ANO5: variants seen among roughly 807,000 people sequenced by gnomAD.
The protein encoded by ANO5 is anoctamin-5.
A neutral mutation model predicts 121.0 loss-of-function variants in ANO5; 109 were observed. The ratio of observed to expected loss-of-function variants is 0.90; its 90% CI spans 0.77 to 1.06. The LOEUF is 1.06. Ranked by LOEUF, ANO5 falls within the 50% of genes least tolerant of loss-of-function variation. ANO5 has a pLI of 0.00. For missense variants in ANO5, 1,064 were observed against 1,078.5 expected, an observed-to-expected ratio of 0.99 and a Z score of 0.19; for synonymous variants, 406 against 359.9, an observed-to-expected ratio of 1.13 and a Z score of -1.45.
intron 19 of ANO5, among the ~76,000 whole-genome samples, chr11:22,274,192 A>ACACACACCCC (rs57239068): frequency 6.8e-6 from 1 of 146,246 alleles, no homozygotes; most frequent in Admixed American, 6.8e-5. Flanking sequence ...ACACACACAC[A>ACACACACCCC]CCCGCAGTCC....
chr11:22,261,103 T>G (rs1854173202), intron 15 of ANO5: 1 of 152,232 alleles, frequency 6.6e-6, no homozygotes, highest in African/African-American at 2.4e-5. Context: ...TTCTAATGGC[T>G]TATAGCATGG....
At chr11:22,219,626 CCAA>C (rs1424914520) in intron 4 of ANO5, among the ~76,000 whole-genome samples, 2 of 151,978 alleles carry the variant, frequency 1.3e-5, no homozygotes, top group Admixed American at 1.3e-4. Flanking sequence ...CAGTTGCCTT[CCAA>C]GAATTTTGGT....
intron 8 of ANO5, among the ~76,000 whole-genome samples, chr11:22,237,986 A>C (rs1375070435): frequency 6.6e-6 from 1 of 152,160 alleles, no homozygotes; most frequent in Non-Finnish European, 1.5e-5. Flanking sequence ...TACCCAATAC[A>C]ATATAAATGT....
In ANO5 at chr11:22,193,321, G is replaced by GGAGGAGAAGGAGGAGGGGAAT. The variant is rs1240039299; in HGVS notation, c.-166_-165insAAGGAGGAGGGGAATGAGGAG. On this transcript the variant is annotated 5_prime_UTR_variant, in exon 1 of 22. In the 5' UTR this introduces an upstream ATG that the reference lacks. Transcript: ENST00000324559. Reference sequence around the variant, plus strand: ...GGCGCCCAGAGACGGTGGAGTCCGAGGAGGAGGAGAAGGAGGCCTGCAGAA... The same window carrying GGAGGAGAAGGAGGAGGGGAAT: ...GGCGCCCAGAGACGGTGGAGTCCGAGGAGGAGAAGGAGGAGGGGAATGAGGAGGAGAAGGAGGCCTGCAGAA... 5.6e-5 allele frequency: 18 copies of GGAGGAGAAGGAGGAGGGGAAT among 319,332 alleles called. No homozygotes were observed. Among genetic ancestry groups the GGAGGAGAAGGAGGAGGGGAAT allele is most frequent in the South Asian group, 1.8e-4 (4 of 21,976 alleles). 19.8% of individuals were successfully genotyped at this position (319,332 alleles called of 1,614,324 possible). A position where few individuals can be genotyped will look rare whatever the true frequency, so the allele number is the denominator to read the frequency against.
rs762526466 is a variant in ANO5 at position 22,239,535 on chromosome 11, G to A, written c.763-34G>A. 162 of 1,484,308 alleles carry A rather than the reference G, an allele frequency of 1.1e-4. No homozygotes were observed. In the Admixed American group the frequency reaches 1.1e-3, roughly 10 times the overall value. 91.9% of individuals were successfully genotyped at this position (1,484,308 alleles called of 1,614,324 possible). A position where few individuals can be genotyped will look rare whatever the true frequency, so the allele number is the denominator to read the frequency against. On this transcript the variant is annotated intron_variant, in intron 8 of 21. Coordinates refer to ENST00000324559, the MANE Select transcript of ANO5 (RefSeq NM_213599.3). ...TTACTTCGTCTTTGTCTTTTGCTTC[G>A]TCTTTTATGTACCCTCCTCTTGAAT...
At chr11:22,251,189 A>T (rs1189964682) in intron 12 of ANO5, among the ~76,000 whole-genome samples, 178 bp downstream of exon 12, 2 of 152,250 alleles carry the variant, frequency 1.3e-5, no homozygotes, top group Non-Finnish European at 2.9e-5. Flanking sequence ...TTCTTGGTCC[A>T]CAAAGGTCTC....
chr11:22,242,693 G>C (rs937102141), intron 9 of ANO5, among the ~76,000 whole-genome samples: 3 of 152,008 alleles, frequency 2.0e-5, no homozygotes, highest in Non-Finnish European at 4.4e-5. Flanking sequence ...CTCTCAGCTT[G>C]AACATTATTG....
intron 15 of ANO5, among the ~76,000 whole-genome samples, chr11:22,260,281 G>A (rs1345547812): frequency 6.6e-6 from 1 of 152,188 alleles, no homozygotes. Flanking sequence ...GGTTAAGTGA[G>A]AAATTGAGTT....
At chr11:22,226,636 G>A (rs530477802) in intron 6 of ANO5, among the ~76,000 whole-genome samples, 7 of 152,194 alleles carry the variant, frequency 4.6e-5, no homozygotes, top group African/African-American at 1.4e-4. Flanking sequence ...AAAGCAGGAG[G>A]ATTGCTGGAG....
intron 9 of ANO5, among the ~76,000 whole-genome samples, chr11:22,246,210 C>G (rs1564933634): frequency 6.6e-6 from 1 of 152,120 alleles, no homozygotes; most frequent in Non-Finnish European, 1.5e-5. Flanking sequence ...TTTTCAGATC[C>G]TTTCTTATAG....
At chr11:22,257,539 A>G (rs1214430696) in intron 13 of ANO5, 141 bp from the exon 14 acceptor site, 3 of 701,878 alleles carry the variant, frequency 4.3e-6, no homozygotes, top group African/African-American at 3.6e-5. Context: ...AACCATTCCT[A>G]TAATGTAGCT....
intron 7 of ANO5, among the ~76,000 whole-genome samples, chr11:22,232,457 G>C (rs868205532): frequency 2.0e-5 from 3 of 151,728 alleles, no homozygotes; most frequent in Middle Eastern, 6.8e-3. Flanking sequence ...CTGATCTTTT[G>C]TTATTTTGTG....
At position 22,230,878 on chromosome 11, in the gene ANO5, A is replaced by G. The variant is rs911392130; in HGVS notation, c.648+3292A>G. Among the ~76,000 whole-genome samples, 38 of 152,068 alleles carry G rather than the reference A, an allele frequency of 2.5e-4. 1 individual carries two copies. The highest frequency in any genetic ancestry group is 8.2e-4 in the African/African-American group (34 of 41,518). ...CTCCTAACTCTCTTTGAATCTGTCC[A>G]CTTCTATCTCCACCTTCACTATTAC... On this transcript the variant is annotated intron_variant, in intron 7 of 21. Coordinates refer to ENST00000324559, the MANE Select transcript of ANO5 (RefSeq NM_213599.3).
At chr11:22,229,073 C>T (rs956686469) in intron 7 of ANO5, among the ~76,000 whole-genome samples, 4 of 151,830 alleles carry the variant, frequency 2.6e-5, no homozygotes, top group African/African-American at 9.7e-5. Context: ...TTCATAATGG[C>T]TATACCAATT....
chr11:22,219,891 A>ATG (rs1852585213), intron 4 of ANO5, among the ~76,000 whole-genome samples: 2 of 139,264 alleles, frequency 1.4e-5, no homozygotes, highest in Non-Finnish European at 3.1e-5. Flanking sequence ...GGTTCCCTAG[A>ATG]TTTTTTTTTT....
intron 8 of ANO5, among the ~76,000 whole-genome samples, chr11:22,238,556 G>A (rs1175242695): frequency 6.6e-6 from 1 of 151,704 alleles, no homozygotes; most frequent in African/African-American, 2.4e-5. Context: ...TCCCTTATGT[G>A]CTTTACAGAA....
intron 3 of ANO5, among the ~76,000 whole-genome samples, chr11:22,215,633 A>G (rs532040851): frequency 1.3e-5 from 2 of 152,074 alleles, no homozygotes; most frequent in East Asian, 1.9e-4. Flanking sequence ...TCGCATCTCA[A>G]CAACATGCAT....
chr11:22,203,937 T>C, intron 2 of ANO5, 87 bp downstream of exon 2: 1 of 854,096 alleles, frequency 1.2e-6, no homozygotes, highest in South Asian at 1.6e-5. Flanking sequence ...ACTTATTTAC[T>C]TATAATACAT....
chr11:22,279,865 T>A lies in ANO5; in HGVS notation c.*100T>A. 9 of 928 alleles carry A rather than the reference T, an allele frequency of 9.7e-3. No homozygotes were observed. The highest frequency in any genetic ancestry group is 0.011 in the Non-Finnish European group (8 of 706). The allele number at this position is 928 out of a possible 1,614,324, so 0.1% of individuals were successfully genotyped here. A position where few individuals can be genotyped will look rare whatever the true frequency, so the allele number is the denominator to read the frequency against. On this transcript the variant is annotated 3_prime_UTR_variant, in exon 22 of 22. Coordinates refer to ENST00000324559, the MANE Select transcript of ANO5 (RefSeq NM_213599.3). ...AGCCATGTGTCAATTTTACCCTTTC[T>A]TTTTTTTTTTTTTCTTTTTTTTTTT...
Sources: gnomAD v4.1 joint callset for allele counts (sites outside exome capture counted in the v4.1 genomes callset) on GRCh38, gnomAD v4.1.1 for gene constraint, MANE v1.5 for transcripts, NCBI Gene and HGNC (gene_info 2026-07-23, HGNC 2026-07-21) for gene names.